The following EPHB1 variants were observed in gnomAD, a reference collection of about 807,000 sequenced individuals.
The protein encoded by EPHB1 is EPH receptor B1.
Under a neutral mutation model 94.4 loss-of-function variants are expected in EPHB1, and 30 were observed. The ratio of observed to expected loss-of-function variants is 0.32; its 90% confidence interval spans 0.24 to 0.43. The LOEUF (loss-of-function observed/expected upper bound fraction) is 0.43. Among genes scored for constraint, EPHB1 ranks in the 20% least tolerant of loss-of-function variants. EPHB1 has a pLI of 1.00. For synonymous variants in EPHB1, 522 were observed against 489.1 expected (o/e 1.07, Z -0.89); for missense variants, 1,055 against 1,308.3 (o/e 0.81, Z 2.99).
intron 12 of EPHB1, among the ~76,000 whole-genome samples, chr3:135,216,401 G>T (rs1202272244): frequency 6.6e-6 from 1 of 152,006 alleles, no homozygotes; most frequent in Non-Finnish European, 1.5e-5. Flanking sequence ...TTGGTATGAA[G>T]GAGTTGGAGA....
intron 6 of EPHB1, among the ~76,000 whole-genome samples, chr3:135,160,977 G>A (rs1004114531): frequency 1.3e-5 from 2 of 152,194 alleles, no homozygotes; most frequent in African/African-American, 4.8e-5. Context: ...TGAAGGACCT[G>A]TGAATCTATA....
At chr3:134,914,821 A>G (rs1477124084) in intron 1 of EPHB1, among the ~76,000 whole-genome samples, 1 of 152,128 alleles carries the variant, frequency 6.6e-6, no homozygotes, top group East Asian at 1.9e-4. Context: ...GGAGGGAGCC[A>G]TCTTCCCAGA....
chr3:135,192,762 G>A lies in EPHB1; in HGVS notation c.2069G>A (p.Ser690Asn), dbSNP rs371576789. The A allele has an allele frequency of 4.7e-5, 76 of 1,614,076 alleles. No individual in the cohort carries two copies. In the Middle Eastern group the frequency reaches 1.3e-3, roughly 28 times the overall value. ...IIRLEGVVTK[S>N]RPVMIITEFM... ...CGCCTGGAGGGTGTGGTCACCAAGA[G>A]TCGGCCTGTCATGATCATCACAGAG... The change falls in exon 11 of 16, where the codon AGT (serine) becomes AAT (asparagine). Residue 690 changes from serine to asparagine, a missense_variant. By Grantham distance (46) the Ser-to-Asn change is conservative. Transcript: ENST00000398015.
intron 3 of EPHB1, among the ~76,000 whole-genome samples, chr3:135,008,888 T>C (rs1194277455): frequency 1.3e-5 from 2 of 152,208 alleles, no homozygotes; most frequent in African/African-American, 4.8e-5. Context: ...GAGTTCAGTG[T>C]GTCTTGAGAT....
chr3:135,111,404 C>T (rs920254553), intron 4 of EPHB1, among the ~76,000 whole-genome samples: 3 of 152,152 alleles, frequency 2.0e-5, no homozygotes, highest in African/African-American at 7.2e-5. Context: ...TCATATTCCT[C>T]TGTCCTTTGC....
In EPHB1 at chr3:134,795,644, T is replaced by C; in HGVS notation, c.13T>C (p.Tyr5His). Reference protein sequence around the residue: MALDYLLLLLLASAV... With the variant: MALDHLLLLLLASAV... Reference sequence around the variant, plus strand: ...CCGTCGGCCGGCGATGGCCCTGGATTATCTACTACTGCTCCTCCTGGCATC... The same window carrying C: ...CCGTCGGCCGGCGATGGCCCTGGATCATCTACTACTGCTCCTCCTGGCATC... Residue 5 changes from tyrosine (Y) to histidine (H), a missense_variant, in exon 1 of 16, where the codon TAT becomes CAT. Tyr to His is a moderately conservative substitution (Grantham distance 83, BLOSUM62 2). Coordinates refer to ENST00000398015, the MANE Select transcript of EPHB1 (RefSeq NM_004441.5). 3 of 1,607,854 alleles carry C rather than the reference T, an allele frequency of 1.9e-6. No homozygotes were observed. Among genetic ancestry groups the C allele is most frequent in the Non-Finnish European group, 2.5e-6 (3 of 1,177,658 alleles).
At chr3:135,007,009 C>G (rs1299380229) in intron 3 of EPHB1, among the ~76,000 whole-genome samples, 1 of 152,144 alleles carries the variant, frequency 6.6e-6, no homozygotes, top group Non-Finnish European at 1.5e-5. Flanking sequence ...CCCAATGGAT[C>G]AGGAGTCACT....
chr3:134,871,668 C>G (rs921777404), intron 1 of EPHB1, among the ~76,000 whole-genome samples: 1 of 152,162 alleles, frequency 6.6e-6, no homozygotes, highest in Non-Finnish European at 1.5e-5. Flanking sequence ...TAAATACCAT[C>G]TAGACACTGA....
intron 3 of EPHB1, among the ~76,000 whole-genome samples, chr3:135,032,196 C>A (rs921371581): frequency 1.3e-5 from 2 of 150,774 alleles, no homozygotes; most frequent in Non-Finnish European, 2.9e-5. Flanking sequence ...AGTTATCTTT[C>A]TCAAACTTTT....
At chr3:134,898,338 T>C (rs1420277545) in intron 1 of EPHB1, among the ~76,000 whole-genome samples, 1 of 152,194 alleles carries the variant, frequency 6.6e-6, no homozygotes, top group African/African-American at 2.4e-5. Flanking sequence ...GTGCTGCTCA[T>C]GGCAGGATGG....
At chr3:134,991,016 G>A (rs1934776794) in intron 3 of EPHB1, among the ~76,000 whole-genome samples, 1 of 151,990 alleles carries the variant, frequency 6.6e-6, no homozygotes, top group Admixed American at 6.6e-5. Context: ...TTTCCACGTG[G>A]AGCTCTTTTT....
At chr3:134,829,687 G>A (rs2036545052) in intron 1 of EPHB1, among the ~76,000 whole-genome samples, 1 of 152,114 alleles carries the variant, frequency 6.6e-6, no homozygotes, top group African/African-American at 2.4e-5. Flanking sequence ...CAGAACTTCA[G>A]AACGTGCCCT....
At chr3:135,222,119 G>A (rs1283992918) in intron 12 of EPHB1, among the ~76,000 whole-genome samples, 4 of 151,056 alleles carry the variant, frequency 2.6e-5, no homozygotes, top group Admixed American at 2.6e-4. Flanking sequence ...ACATATTATT[G>A]TAGTAACCTA....
At chr3:134,796,586 C>G (rs1002716419) in intron 1 of EPHB1, among the ~76,000 whole-genome samples, 12 of 152,230 alleles carry the variant, frequency 7.9e-5, no homozygotes, top group African/African-American at 2.2e-4. Flanking sequence ...CGCTCGGTAG[C>G]GCTCGCGAAT....
intron 10 of EPHB1, among the ~76,000 whole-genome samples, chr3:135,181,450 G>C (rs1257735971): frequency 6.6e-6 from 1 of 152,174 alleles, no homozygotes; most frequent in African/African-American, 2.4e-5. Flanking sequence ...GGAAGGCTGG[G>C]TACCAGATAA....
chr3:135,241,383 C>A (rs889555561), intron 13 of EPHB1, 86 bp downstream of exon 13: 15 of 1,530,212 alleles, frequency 9.8e-6, no homozygotes, highest in Middle Eastern at 1.7e-4. Context: ...CTGTTTTCAG[C>A]TCACGGCCTC....
intron 4 of EPHB1, among the ~76,000 whole-genome samples, chr3:135,129,047 C>G (rs952323706): frequency 2.0e-5 from 3 of 152,174 alleles, no homozygotes; most frequent in African/African-American, 7.2e-5. Context: ...TTTATGTACT[C>G]CTGCACTCAA....
At chr3:135,131,380 G>T (rs578105778) in intron 4 of EPHB1, among the ~76,000 whole-genome samples, 6 of 152,242 alleles carry the variant, frequency 3.9e-5, no homozygotes, top group African/African-American at 1.4e-4. Flanking sequence ...CATTTTTTGT[G>T]TTGGCATTTG....
At chr3:134,923,709 C>T (rs202210548) in intron 1 of EPHB1, among the ~76,000 whole-genome samples, 2 of 152,140 alleles carry the variant, frequency 1.3e-5, no homozygotes, top group African/African-American at 4.8e-5. Flanking sequence ...TTTTAATTCC[C>T]TTAGTCCTGC....
Sources: allele counts gnomAD v4.1 joint callset (sites outside exome capture counted in the v4.1 genomes callset), GRCh38; gene constraint gnomAD v4.1.1; transcripts MANE v1.5; gene names NCBI Gene and HGNC (gene_info 2026-07-23, HGNC 2026-07-21).